Variants in TMEM131L observed in about 807,000 individuals in gnomAD.
The protein encoded by TMEM131L is transmembrane 131 like.
TMEM131L carries 54 observed loss-of-function variants against 192.2 expected under a neutral mutation model. That is an observed-to-expected ratio of 0.28 (90% CI 0.23 to 0.35). TMEM131L has a LOEUF of 0.35. Among genes scored for constraint, TMEM131L ranks in the 10% least tolerant of loss-of-function variants. TMEM131L has a pLI of 1.00. For synonymous variants in TMEM131L, 701 were observed against 704.9 expected (o/e 0.99, Z 0.09); for missense variants, 1,888 against 1,972.9 (o/e 0.96, Z 0.82).
intron 3 of TMEM131L, among the ~76,000 whole-genome samples, chr4:153,542,395 G>A (rs1263467663): frequency 8.0e-6 from 1 of 125,340 alleles, no homozygotes; most frequent in African/African-American, 3.4e-5. Flanking sequence ...CTCAGCAAGG[G>A]CCACGTTGCA....
At chr4:153,513,583 G>A (rs908621084) in intron 3 of TMEM131L, among the ~76,000 whole-genome samples, 1 of 152,166 alleles carries the variant, frequency 6.6e-6, no homozygotes, top group African/African-American at 2.4e-5. Context: ...AATAATAAAT[G>A]TAATACTAAT....
At chr4:153,525,733 C>A (rs1363510993) in intron 3 of TMEM131L, among the ~76,000 whole-genome samples, 1 of 152,214 alleles carries the variant, frequency 6.6e-6, no homozygotes. Context: ...CCACTTAAAT[C>A]TTCTCTGTAT....
At chr4:153,500,385 G>A (rs1254551724) in intron 3 of TMEM131L, among the ~76,000 whole-genome samples, 1 of 152,228 alleles carries the variant, frequency 6.6e-6, no homozygotes, top group Non-Finnish European at 1.5e-5. Context: ...GGGATTACAG[G>A]CGTGAGCCAC....
At chr4:153,589,176 T>A (rs2150815066) in intron 16 of TMEM131L, among the ~76,000 whole-genome samples, 169 bp downstream of exon 16, 1 of 152,320 alleles carries the variant, frequency 6.6e-6, no homozygotes, top group African/African-American at 2.4e-5. Context: ...TCCTTCATCA[T>A]AATTTCACAA....
At chr4:153,616,873 C>G (rs565973189) in intron 26 of TMEM131L, among the ~76,000 whole-genome samples, 1 of 152,162 alleles carries the variant, frequency 6.6e-6, no homozygotes, top group African/African-American at 2.4e-5. Flanking sequence ...TTAAACCATT[C>G]TCCTGCAGTT....
chr4:153,621,954 A>G (rs1733445479), intron 28 of TMEM131L, 105 bp downstream of exon 28: 2 of 1,092,980 alleles, frequency 1.8e-6, no homozygotes, highest in African/African-American at 1.6e-5. Flanking sequence ...TTATCTCTAC[A>G]GGCAACTTAG....
chr4:153,469,956 A>AC (rs200147696), intron 2 of TMEM131L, among the ~76,000 whole-genome samples: 12 of 145,556 alleles, frequency 8.2e-5, no homozygotes, highest in African/African-American at 3.4e-4. Flanking sequence ...AAACAAACAA[A>AC]AAAACCAGTA....
At chr4:153,567,557 T>A (rs1729305783) in intron 7 of TMEM131L, among the ~76,000 whole-genome samples, 1 of 152,004 alleles carries the variant, frequency 6.6e-6, no homozygotes, top group African/African-American at 2.4e-5. Context: ...CTTTTTTTTT[T>A]TTTTGAGACA....
intron 10 of TMEM131L, 158 bp downstream of exon 10, chr4:153,583,406 A>G: frequency 5.3e-6 from 4 of 753,408 alleles, no homozygotes; most frequent in Non-Finnish European, 9.4e-6. Context: ...CTCTGTTTGT[A>G]TGAAGATTGT....
chr4:153,566,187 G>C (rs972726190), intron 7 of TMEM131L, among the ~76,000 whole-genome samples: 2 of 151,554 alleles, frequency 1.3e-5, no homozygotes, highest in Admixed American at 6.6e-5. Flanking sequence ...CCAGGCTGGA[G>C]TGCAGTGGCG....
At chr4:153,478,615 A>G (rs1431397586) in intron 3 of TMEM131L, among the ~76,000 whole-genome samples, 1 of 152,158 alleles carries the variant, frequency 6.6e-6, no homozygotes, top group Non-Finnish European at 1.5e-5. Flanking sequence ...TTTTGGAGGC[A>G]AGTCATTAAG....
intron 3 of TMEM131L, among the ~76,000 whole-genome samples, chr4:153,510,460 C>A (rs1734277002): frequency 6.6e-6 from 1 of 152,158 alleles, no homozygotes; most frequent in Non-Finnish European, 1.5e-5. Context: ...GGAAGACATA[C>A]CTTTCACCTA....
rs775235123 is a variant in TMEM131L at position 153,636,465 on chromosome 4, G to A, written c.4722G>A (p.Pro1574=). 5.0e-6 allele frequency: 8 copies of A among 1,614,132 alleles called. No homozygotes were observed. The South Asian group carries it at 5.5e-5, about 11-fold the overall frequency. ...NQAVVCKEYY[P]GFNPFRAYMN... is the part of the protein sequence containing the mutation. ...CGGTCGTGTGCAAGGAATACTACCC[G>A]GGGTTCAACCCGTTTCGCGCCTATA... The change falls in exon 35 of 35, where the codon CCG becomes CCA. Residue 1574 remains proline (P), a synonymous_variant. Coordinates refer to ENST00000409959, the MANE Select transcript of TMEM131L (RefSeq NM_001131007.2).
chr4:153,527,766 C>T (rs949058741), intron 3 of TMEM131L, among the ~76,000 whole-genome samples: 16 of 152,160 alleles, frequency 1.1e-4, no homozygotes, highest in African/African-American at 3.4e-4. Flanking sequence ...GAACCCAACA[C>T]GTTTTACCTG....
chr4:153,478,148 T>G (rs1045617698), intron 3 of TMEM131L, among the ~76,000 whole-genome samples: 8 of 152,340 alleles, frequency 5.3e-5, no homozygotes, highest in East Asian at 1.9e-4. Flanking sequence ...TGGCTTTTTT[T>G]GGGTTGAGGT....
At chr4:153,519,447 T>A (rs1463893431) in intron 3 of TMEM131L, among the ~76,000 whole-genome samples, 1 of 152,202 alleles carries the variant, frequency 6.6e-6, no homozygotes, top group Non-Finnish European at 1.5e-5. Context: ...TAGGTGACAT[T>A]AACACCATAA....
At chr4:153,522,039 G>A (rs1007465179) in intron 3 of TMEM131L, among the ~76,000 whole-genome samples, 5 of 152,106 alleles carry the variant, frequency 3.3e-5, no homozygotes, top group South Asian at 2.1e-4. Flanking sequence ...AAGCAGAATC[G>A]TTTAGAGTGA....
At chr4:153,488,192 TGA>T in intron 3 of TMEM131L, among the ~76,000 whole-genome samples, 1 of 152,164 alleles carries the variant, frequency 6.6e-6, no homozygotes, top group South Asian at 2.1e-4. Flanking sequence ...GGCCTGTGGC[TGA>T]GTTGTGTGTA....
At chr4:153,547,422 A>G (rs1737265213) in intron 3 of TMEM131L, among the ~76,000 whole-genome samples, 1 of 152,230 alleles carries the variant, frequency 6.6e-6, no homozygotes, top group Non-Finnish European at 1.5e-5. Context: ...ATTGACTTTA[A>G]GCTCAATCAG....
Sources: allele counts gnomAD v4.1 joint callset (sites outside exome capture counted in the v4.1 genomes callset), GRCh38; gene constraint gnomAD v4.1.1; transcripts MANE v1.5; gene names NCBI Gene and HGNC (gene_info 2026-07-23, HGNC 2026-07-21).